Variants in SPAG16 observed in about 807,000 individuals in gnomAD.
The protein encoded by SPAG16 is sperm associated antigen 16.
SPAG16 carries 86 observed loss-of-function variants against 80.4 expected under a neutral mutation model. The observed-to-expected ratio is 1.07, with a 90% CI of 0.90 to 1.28. The LOEUF (loss-of-function observed/expected upper bound fraction) is 1.28. Among genes scored for constraint, SPAG16 ranks in the 50% most tolerant of loss-of-function variants. The pLI is 0.00. For missense variants in SPAG16, 870 were observed against 765.3 expected, an observed-to-expected ratio of 1.14 and a Z score of -1.61; for synonymous variants, 294 against 265.9, an observed-to-expected ratio of 1.11 and a Z score of -1.03.
intron 9 of SPAG16, among the ~76,000 whole-genome samples, chr2:213,469,223 A>G (rs2072929136): frequency 6.6e-6 from 1 of 152,188 alleles, no homozygotes; most frequent in Non-Finnish European, 1.5e-5. Context: ...GACAACAATA[A>G]GGTAATAATT....
intron 10 of SPAG16, among the ~76,000 whole-genome samples, chr2:213,844,974 A>T (rs935737801): frequency 2.6e-5 from 4 of 152,180 alleles, no homozygotes; most frequent in Non-Finnish European, 2.9e-5. Flanking sequence ...CTGGAATTCA[A>T]CATTTTTCAC....
chr2:213,889,769 A>T (rs970634474), intron 11 of SPAG16, among the ~76,000 whole-genome samples: 2 of 150,786 alleles, frequency 1.3e-5, no homozygotes, highest in Non-Finnish European at 3.0e-5. Flanking sequence ...CACCTATGTA[A>T]AGTACTCTAC....
At chr2:213,777,289 C>T (rs573047080) in intron 10 of SPAG16, among the ~76,000 whole-genome samples, 10 of 124,848 alleles carry the variant, frequency 8.0e-5, no homozygotes, top group African/African-American at 3.1e-4. Context: ...TTCTGTCGCT[C>T]AGGCTGGAGT....
intron 10 of SPAG16, among the ~76,000 whole-genome samples, chr2:213,690,319 A>G (rs2064886129): frequency 6.6e-6 from 1 of 152,240 alleles, no homozygotes; most frequent in South Asian, 2.1e-4. Flanking sequence ...AGGTCAAGTC[A>G]CCAGCAGATT....
intron 10 of SPAG16, among the ~76,000 whole-genome samples, chr2:213,832,630 C>G (rs2073735124): frequency 6.6e-6 from 1 of 152,114 alleles, no homozygotes; most frequent in Non-Finnish European, 1.5e-5. Context: ...GAATCCTACA[C>G]AGAGAGGCCA....
chr2:214,115,897 A>T (rs985004165), intron 14 of SPAG16, among the ~76,000 whole-genome samples: 1 of 150,854 alleles, frequency 6.6e-6, no homozygotes, highest in South Asian at 2.1e-4. Flanking sequence ...AAAAAAAAAA[A>T]GTAACCCTCC....
chr2:214,092,378 C>A (rs1327143826), intron 13 of SPAG16, among the ~76,000 whole-genome samples: 1 of 152,016 alleles, frequency 6.6e-6, no homozygotes, highest in East Asian at 1.9e-4. Context: ...GTAGTTGTCA[C>A]TTTATTTTGC....
At chr2:213,409,922 TAA>T (rs1010342028) in intron 9 of SPAG16, among the ~76,000 whole-genome samples, 1 of 152,102 alleles carries the variant, frequency 6.6e-6, no homozygotes, top group African/African-American at 2.4e-5. Flanking sequence ...TCCTCAAAAC[TAA>T]AAGTCTTTTA....
chr2:213,476,501 C>T (rs921593826), intron 9 of SPAG16, among the ~76,000 whole-genome samples: 8 of 152,204 alleles, frequency 5.3e-5, no homozygotes, highest in Admixed American at 6.5e-5. Context: ...GCTGCACTAT[C>T]CACTCTTAAC....
chr2:214,073,486 C>A (rs2050912607), intron 13 of SPAG16, among the ~76,000 whole-genome samples: 1 of 152,004 alleles, frequency 6.6e-6, no homozygotes, highest in Non-Finnish European at 1.5e-5. Context: ...TCACCTGCCC[C>A]GGCCTTCCAA....
intron 12 of SPAG16, among the ~76,000 whole-genome samples, chr2:213,980,725 T>TATATATATATATATATATATATATAGAG (rs374274176): frequency 4.8e-5 from 5 of 104,024 alleles, no homozygotes; most frequent in African/African-American, 2.0e-4. Flanking sequence ...TATATATATA[T>TATATATATATATATATATATATATAGAG]AGAGAGAGAG....
chr2:213,789,522 G>A (rs1441429592), intron 10 of SPAG16, among the ~76,000 whole-genome samples: 4 of 151,914 alleles, frequency 2.6e-5, no homozygotes, highest in Non-Finnish European at 4.4e-5. Flanking sequence ...TATTTTGTTG[G>A]AGACATTGTT....
At chr2:213,338,279 C>G (rs758360810) in intron 5 of SPAG16, among the ~76,000 whole-genome samples, 48 of 152,138 alleles carry the variant, frequency 3.2e-4, no homozygotes, top group Non-Finnish European at 3.5e-4. Context: ...AGTACACAGA[C>G]CAGTGACAAT....
At chr2:214,307,152 A>G (rs1206248356) in intron 15 of SPAG16, among the ~76,000 whole-genome samples, 1 of 151,452 alleles carries the variant, frequency 6.6e-6, no homozygotes, top group Admixed American at 6.6e-5. Flanking sequence ...TTTCTTCTAC[A>G]TTTTCTAGTT....
intron 12 of SPAG16, among the ~76,000 whole-genome samples, chr2:213,975,691 A>G (rs1414272367): frequency 6.6e-6 from 1 of 152,060 alleles, no homozygotes; most frequent in Non-Finnish European, 1.5e-5. Flanking sequence ...TTTGATAGGG[A>G]GAGGAAAAAT....
At chr2:214,335,915 C>T (rs965280570) in intron 15 of SPAG16, among the ~76,000 whole-genome samples, 2 of 151,896 alleles carry the variant, frequency 1.3e-5, no homozygotes, top group Non-Finnish European at 2.9e-5. Context: ...CCCACCACCA[C>T]ACCCCCTAAT....
chr2:213,417,876 ATT>A (rs5838381), intron 9 of SPAG16, among the ~76,000 whole-genome samples: 1 of 146,620 alleles, frequency 6.8e-6, no homozygotes, highest in Admixed American at 6.8e-5. Context: ...TTGTGTTTCA[ATT>A]TTTTTTTTTT....
intron 10 of SPAG16, among the ~76,000 whole-genome samples, chr2:213,666,202 C>A (rs751513273): frequency 6.6e-6 from 1 of 152,150 alleles, no homozygotes; most frequent in East Asian, 1.9e-4. Flanking sequence ...CCCCAAAATT[C>A]GAGTTTTTCT....
chr2:213,810,407 G>A (rs1054515809), intron 10 of SPAG16, among the ~76,000 whole-genome samples: 3 of 152,126 alleles, frequency 2.0e-5, no homozygotes, highest in Non-Finnish European at 4.4e-5. Context: ...TCAAATGATT[G>A]TAGTGGCAAG....
Sources: gnomAD v4.1 joint callset for allele counts (sites outside exome capture counted in the v4.1 genomes callset) on GRCh38, gnomAD v4.1.1 for gene constraint, MANE v1.5 for transcripts, NCBI Gene and HGNC (gene_info 2026-07-23, HGNC 2026-07-21) for gene names.